The following PCNT variants were observed in gnomAD, a reference collection of about 807,000 sequenced individuals.
PCNT encodes the protein kendrin.
PCNT carries 319 observed loss-of-function variants against 380.4 expected under a neutral mutation model. The observed-to-expected ratio is 0.84, with a 90% CI of 0.77 to 0.92. The LOEUF (loss-of-function observed/expected upper bound fraction) is 0.92, where lower values mean the gene tolerates loss of function less well. Among genes scored for constraint, PCNT ranks in the 40% least tolerant of loss-of-function variants. The pLI is 0.00. For synonymous variants in PCNT, 1,845 were observed against 1,735.2 expected, an observed-to-expected ratio of 1.06 and a Z score of -1.57; for missense variants, 4,400 against 4,255.3, an observed-to-expected ratio of 1.03 and a Z score of -0.95.
chr21:46,346,379 G>A (rs1348522309), intron 4 of PCNT, among the ~76,000 whole-genome samples, 171 bp downstream of exon 4: 2 of 152,198 alleles, frequency 1.3e-5, no homozygotes, highest in Admixed American at 6.5e-5. Flanking sequence ...GGAGACACAC[G>A]TGGATGCTGG....
chr21:46,355,493 C>T lies in PCNT; in HGVS notation c.1803C>T (p.His601=), dbSNP rs777104757. 5.0e-6 allele frequency: 8 copies of T among 1,614,082 alleles called. No individual in the cohort carries two copies. Among genetic ancestry groups the T allele is most frequent in the South Asian group, 1.1e-5 (1 of 91,088 alleles). Residue 601 remains histidine (H), a synonymous_variant, in exon 12 of 47, where the codon CAC becomes CAT. Transcript: ENST00000359568. ...PRFQAELEES[H]RHQLEALESP... is the part of the protein sequence containing the mutation. Reference sequence around the variant, plus strand: ...TCCAGGCGGAGTTAGAAGAAAGCCACAGGCACCAGCTGGAAGCGCTGGAGT... The same window carrying T: ...TCCAGGCGGAGTTAGAAGAAAGCCATAGGCACCAGCTGGAAGCGCTGGAGT...
chr21:46,344,890 T>C (rs1226563701), intron 3 of PCNT, among the ~76,000 whole-genome samples: 1 of 152,234 alleles, frequency 6.6e-6, no homozygotes, highest in African/African-American at 2.4e-5. Context: ...GTTGCCAAAA[T>C]GGCTGCTGAG....
intron 33 of PCNT, 91 bp from the exon 34 acceptor site, chr21:46,427,531 C>A (rs2147930104): frequency 6.9e-7 from 1 of 1,454,792 alleles, no homozygotes; most frequent in East Asian, 2.3e-5. Context: ...CCCGCAGGCC[C>A]CATCTCCAAA....
intron 3 of PCNT, among the ~76,000 whole-genome samples, chr21:46,340,100 G>A (rs1466635899): frequency 6.6e-6 from 1 of 152,210 alleles, no homozygotes; most frequent in Non-Finnish European, 1.5e-5. Context: ...CACAGTCATG[G>A]TGGAAGGCAA....
At chr21:46,387,714 G>A (rs1033854279) in intron 17 of PCNT, among the ~76,000 whole-genome samples, 7 of 152,074 alleles carry the variant, frequency 4.6e-5, no homozygotes, top group African/African-American at 1.2e-4. Flanking sequence ...GTCACCTCAC[G>A]GTCCCCACGA....
In PCNT at chr21:46,335,940, A is replaced by G. The variant is rs116974877; in HGVS notation, c.639+1172A>G. Among the ~76,000 whole-genome samples, 1,229 of 151,850 alleles carry G rather than the reference A, an allele frequency of 8.1e-3. 8 individuals carry two copies. The highest frequency in any genetic ancestry group is 0.021 in the Middle Eastern group (6 of 292). On this transcript the variant is annotated intron_variant, in intron 3 of 46. Coordinates refer to ENST00000359568, the MANE Select transcript of PCNT (RefSeq NM_006031.6). ...TGATCTGCTCGTCTCAGCCTCCTGAAGTGTTGGGATTACAGGCGTAAGCCA... is the reference window on the plus strand; with the variant it reads ...TGATCTGCTCGTCTCAGCCTCCTGAGGTGTTGGGATTACAGGCGTAAGCCA...
chr21:46,429,121 C>G (rs966012345), intron 35 of PCNT, among the ~76,000 whole-genome samples: 32 of 152,194 alleles, frequency 2.1e-4, no homozygotes, highest in African/African-American at 7.7e-4. Context: ...GCCCTCTGTT[C>G]CTAGTTTTGG....
Position 46,390,523 on chromosome 21 carries a change from G to T in PCNT, c.3841-147G>T, listed in dbSNP as rs948721507. The T allele has an allele frequency of 3.7e-6, 3 of 806,288 alleles. No individual in the cohort carries two copies. The Admixed American group carries it at 5.7e-5, about 15-fold the overall frequency. 49.9% of individuals were successfully genotyped at this position (806,288 alleles called of 1,614,324 possible). ...CAGTGTCTCGGAGGGTGGCTGAGATGTGCTCAGGTCCCGTCACCCTGGCCT... is the reference window on the plus strand; with the variant it reads ...CAGTGTCTCGGAGGGTGGCTGAGATTTGCTCAGGTCCCGTCACCCTGGCCT... On this transcript the variant is annotated intron_variant, in intron 19 of 46. Transcript: ENST00000359568.
chr21:46,401,043 T>G (rs1162645986), intron 25 of PCNT, among the ~76,000 whole-genome samples: 3 of 152,202 alleles, frequency 2.0e-5, no homozygotes, highest in Non-Finnish European at 2.9e-5. Flanking sequence ...TTACTGAGCT[T>G]AGTAGATGCC....
chr21:46,350,894 G>C (rs1328000849), intron 8 of PCNT, among the ~76,000 whole-genome samples: 1 of 152,222 alleles, frequency 6.6e-6, no homozygotes, highest in Non-Finnish European at 1.5e-5. Context: ...CCCAGGTGCA[G>C]CGTTGCCCAG....
chr21:46,412,930 C>T lies in PCNT; in HGVS notation c.6088C>T (p.Leu2030=), dbSNP rs1446531561. 1.9e-6 allele frequency: 3 copies of T among 1,612,202 alleles called. No homozygotes were observed. The highest frequency in any genetic ancestry group is 2.5e-6 in the Non-Finnish European group (3 of 1,180,028). ...MSVLTVCQRQ[L]QSELLLVKNE... ...AGTGCTCACCGTCTGCCAGAGGCAG[C>T]TGCAGTCGGAGCTGCTCTTGGTGAA... Residue 2030 remains leucine (L), a synonymous_variant, in exon 29 of 47, where the codon CTG becomes TTG. Transcript: ENST00000359568.
chr21:46,435,794 G>A (rs2053422649), intron 38 of PCNT, 110 bp from the exon 39 acceptor site: 14 of 1,248,218 alleles, frequency 1.1e-5, no homozygotes, highest in South Asian at 2.4e-5. Context: ...TGCCCGCCTC[G>A]GCCTCCCAAA....
intron 13 of PCNT, among the ~76,000 whole-genome samples, chr21:46,359,946 T>C (rs536892216): frequency 7.3e-5 from 11 of 150,980 alleles, no homozygotes; most frequent in African/African-American, 2.4e-4. Context: ...AACCTCTTCC[T>C]CCCAGGCTCA....
Position 46,440,216 on chromosome 21 carries a change from C to T in PCNT, c.9393+14C>T. 6.2e-7 allele frequency: 1 copy of T among 1,613,700 alleles called. No homozygotes were observed. The highest frequency in any genetic ancestry group is 8.5e-7 in the Non-Finnish European group (1 of 1,179,990). ...AGCAATGTCAAGGTAGGAACGGTGC[C>T]ACGAGTATAGAACTTTGGTGCTTTT... On this transcript the variant is annotated intron_variant, in intron 42 of 46. Coordinates refer to ENST00000359568, the MANE Select transcript of PCNT (RefSeq NM_006031.6).
chr21:46,422,422 C>CTCCT (rs2087293651), intron 32 of PCNT, among the ~76,000 whole-genome samples: 3 of 151,822 alleles, frequency 2.0e-5, no homozygotes, highest in African/African-American at 7.3e-5. Context: ...GCCTCTCTCC[C>CTCCT]GCCTGTGCCT....
At position 46,440,754 on chromosome 21, in the gene PCNT, A is replaced by G. The variant is rs530508301; in HGVS notation, c.9394-101A>G. On this transcript the variant is annotated intron_variant, in intron 42 of 46. Transcript: ENST00000359568. Reference sequence around the variant, plus strand: ...CTCTGTGATGATTTGATGGGAAAAAACAATCTGACTCTTTGGAAAGAGCAA... The same window carrying G: ...CTCTGTGATGATTTGATGGGAAAAAGCAATCTGACTCTTTGGAAAGAGCAA... The G allele has an allele frequency of 6.0e-4, 480 of 802,688 alleles. 4 individuals are homozygous for G. The South Asian group carries it at 6.7e-3, about 11-fold the overall frequency. The allele number at this position is 802,688 out of a possible 1,614,324, so 49.7% of individuals were successfully genotyped here.
intron 46 of PCNT, 101 bp from the exon 47 acceptor site, chr21:46,445,183 T>G: frequency 1.2e-6 from 1 of 848,756 alleles, no homozygotes. Flanking sequence ...TACCAAAATT[T>G]ACATGAATTC....
chr21:46,375,518 G>A (rs966223687), intron 15 of PCNT, among the ~76,000 whole-genome samples: 1 of 152,214 alleles, frequency 6.6e-6, no homozygotes, highest in Admixed American at 6.5e-5. Flanking sequence ...TGACCTCACA[G>A]CTTAGAAGAA....
At chr21:46,396,870 T>C (rs1018046232) in intron 21 of PCNT, among the ~76,000 whole-genome samples, 43 of 152,328 alleles carry the variant, frequency 2.8e-4, no homozygotes, top group African/African-American at 7.5e-4. Flanking sequence ...CCCAAAGTGC[T>C]GGGATTACAG....
Sources: allele counts gnomAD v4.1 joint callset (sites outside exome capture counted in the v4.1 genomes callset), GRCh38; gene constraint gnomAD v4.1.1; transcripts MANE v1.5; gene names NCBI Gene and HGNC (gene_info 2026-07-23, HGNC 2026-07-21).